ABL2: variants seen among roughly 807,000 people sequenced by gnomAD.
ABL2 encodes ABL proto-oncogene 2, non-receptor tyrosine kinase.
In ABL2, 49 loss-of-function variants were observed where a neutral mutation model predicts 107.7. The ratio of observed to expected loss-of-function variants is 0.45; its 90% confidence interval spans 0.36 to 0.58. The LOEUF (loss-of-function observed/expected upper bound fraction) is 0.58. Ranked by LOEUF, ABL2 falls within the 20% of genes least tolerant of loss-of-function variation. The pLI, the probability that ABL2 is intolerant of heterozygous loss-of-function variation, is 0.00. For synonymous variants in ABL2, 549 were observed against 548.6 expected (o/e 1.00, Z -0.01); for missense variants, 1,245 against 1,457.0 (o/e 0.85, Z 2.37).
In ABL2 at chr1:179,202,220, G is replaced by T. The variant is rs997568418; in HGVS notation, c.157+27021C>A. 3.3e-5 allele frequency among the ~76,000 whole-genome samples: 5 copies of T among 152,056 alleles called. No individual in the cohort carries two copies. In the East Asian group the frequency reaches 9.6e-4, roughly 29 times the overall value. ...ATTAATACTTTTTCAGCAAAGAAAA[G>T]AAAATCTTGGCTCTTATTTCTGCTT... On this transcript the variant is annotated intron_variant, in intron 1 of 11. Transcript: ENST00000502732.
At chr1:179,122,780 A>G (rs945986480) in intron 4 of ABL2, among the ~76,000 whole-genome samples, 1 of 151,908 alleles carries the variant, frequency 6.6e-6, no homozygotes, top group Non-Finnish European at 1.5e-5. Flanking sequence ...CAGCCTCCCA[A>G]GTACCTGGGA....
chr1:179,154,829 G>A (rs537521702), intron 1 of ABL2, among the ~76,000 whole-genome samples: 3 of 152,164 alleles, frequency 2.0e-5, no homozygotes, highest in Non-Finnish European at 2.9e-5. Context: ...TAATTATTAC[G>A]GTATTCACAT....
intron 2 of ABL2, among the ~76,000 whole-genome samples, chr1:179,132,854 G>A (rs150540502): frequency 0.015 from 1,744 of 112,756 alleles, 14 homozygotes; most frequent in Non-Finnish European, 0.023. Context: ...CTTATTCCCC[G>A]TCCGCACCCC....
At chr1:179,133,465 A>G in intron 1 of ABL2, 91 bp from the exon 2 acceptor site, 6 of 1,605,206 alleles carry the variant, frequency 3.7e-6, no homozygotes, top group Non-Finnish European at 5.1e-6. Context: ...TGGCATTCAA[A>G]GGCCTTTCAT....
rs139690296 is a variant in ABL2 at position 179,193,335 on chromosome 1, G to A, written c.157+35906C>T. Among the ~76,000 whole-genome samples, 53 of 150,938 alleles carry A rather than the reference G, an allele frequency of 3.5e-4. No homozygotes were observed. The East Asian group carries it at 0.01, about 29-fold the overall frequency. On this transcript the variant is annotated intron_variant, in intron 1 of 11. Coordinates refer to ENST00000502732, the MANE Select transcript of ABL2 (RefSeq NM_007314.4). Reference sequence around the variant, plus strand: ...AAAGGTGAATATTATTGTCAAATCAGTAACTCAAACCAGCCCTAAATGTCT... The same window carrying A: ...AAAGGTGAATATTATTGTCAAATCAATAACTCAAACCAGCCCTAAATGTCT...
In ABL2 at chr1:179,108,490, G is replaced by C; in HGVS notation, c.2777C>G (p.Thr926Ser). 6.2e-7 allele frequency: 1 copy of C among 1,614,204 alleles called. No homozygotes were observed. Among genetic ancestry groups the C allele is most frequent in the Non-Finnish European group, 8.5e-7 (1 of 1,180,032 alleles). ...AAGGACTGGCACTTTGTGGTTGTGA[G>C]TGGTTGGGAGGACGGGGGCAGCCTT... ...PAKAAPVLPT[T>S]HNHKVPVLIS... The change falls in exon 12 of 12, where the codon ACT (threonine) becomes AGT (serine). Residue 926 changes from threonine (T) to serine (S), a missense_variant. Thr to Ser is a moderately conservative substitution (Grantham distance 58). Coordinates refer to ENST00000502732, the MANE Select transcript of ABL2 (RefSeq NM_007314.4).
chr1:179,205,087 C>T (rs1041453355), intron 1 of ABL2, among the ~76,000 whole-genome samples: 8 of 148,496 alleles, frequency 5.4e-5, no homozygotes, highest in Admixed American at 4.8e-4. Context: ...AGTGCAGTGG[C>T]GTGATCTTGG....
chr1:179,184,712 T>C (rs1660583227), intron 1 of ABL2, among the ~76,000 whole-genome samples: 1 of 152,122 alleles, frequency 6.6e-6, no homozygotes, highest in South Asian at 2.1e-4. Flanking sequence ...ACTGATGGAT[T>C]CAACCTTCCT....
chr1:179,115,370 C>T (rs968828563), intron 8 of ABL2, among the ~76,000 whole-genome samples: 9 of 151,566 alleles, frequency 5.9e-5, no homozygotes, highest in Non-Finnish European at 1.0e-4. Flanking sequence ...CAGTAGTCAC[C>T]CCTTATCCAT....
chr1:179,222,865 CTT>C (rs1371794565), intron 1 of ABL2, among the ~76,000 whole-genome samples: 1 of 151,386 alleles, frequency 6.6e-6, no homozygotes, highest in African/African-American at 2.4e-5. Flanking sequence ...AATCCTAACA[CTT>C]TGAGAGGCTG....
At chr1:179,212,257 G>A (rs750599830) in intron 1 of ABL2, among the ~76,000 whole-genome samples, 9 of 152,132 alleles carry the variant, frequency 5.9e-5, no homozygotes, top group Non-Finnish European at 1.2e-4. Flanking sequence ...TACAATTCAA[G>A]GTGAGATTTG....
intron 3 of ABL2, among the ~76,000 whole-genome samples, chr1:179,127,743 T>C (rs958751622): frequency 6.6e-6 from 1 of 152,050 alleles, no homozygotes; most frequent in African/African-American, 2.4e-5. Context: ...CAAAAGCACA[T>C]GGCCATGGCT....
chr1:179,216,992 A>G (rs776901926), intron 1 of ABL2, among the ~76,000 whole-genome samples: 23 of 151,534 alleles, frequency 1.5e-4, no homozygotes, highest in Admixed American at 3.3e-4. Context: ...AGTTACATAG[A>G]TTCTAATATA....
At chr1:179,127,202 G>A (rs375401167) in intron 3 of ABL2, among the ~76,000 whole-genome samples, 2 of 151,968 alleles carry the variant, frequency 1.3e-5, no homozygotes, top group Non-Finnish European at 2.9e-5. Flanking sequence ...AACAAAAAAT[G>A]AACAAACAAA....
chr1:179,200,561 T>C (rs1661608199), intron 1 of ABL2, among the ~76,000 whole-genome samples: 1 of 152,162 alleles, frequency 6.6e-6, no homozygotes, highest in Non-Finnish European at 1.5e-5. Context: ...ATATTCTATC[T>C]CCCACCCCAT....
intron 1 of ABL2, among the ~76,000 whole-genome samples, chr1:179,166,776 C>CAAAAAAAAAAAA (rs34173352): frequency 1.3e-5 from 1 of 75,394 alleles, no homozygotes. Context: ...GACTTCATCT[C>CAAAAAAAAAAAA]AAAAAAAAAA....
At chr1:179,123,099 A>G (rs1655381876) in intron 4 of ABL2, among the ~76,000 whole-genome samples, 1 of 152,244 alleles carries the variant, frequency 6.6e-6, no homozygotes, top group Non-Finnish European at 1.5e-5. Flanking sequence ...AATCTTGTAA[A>G]AAACATAACT....
Position 179,107,771 on chromosome 1 carries a change from G to C in ABL2, c.3496C>G (p.Leu1166Val). ...AAGVPGTNPVLNNLLSCVQEI... is the reference protein window; with the variant it reads ...AAGVPGTNPVVNNLLSCVQEI... ...TGTACACATGACAATAAGTTATTAA[G>C]GACAGGGTTTGTCCCGGGCACACCA... The change falls in exon 12 of 12, where the codon CTT (leucine) becomes GTT (valine). Residue 1166 changes from leucine to valine, a missense_variant. Physicochemically the swap from Leu to Val is conservative, Grantham distance 32. Transcript: ENST00000502732. The C allele has an allele frequency of 6.2e-7, 1 of 1,614,176 alleles. No individual in the cohort carries two copies. Among genetic ancestry groups the C allele is most frequent in the Non-Finnish European group, 8.5e-7 (1 of 1,180,030 alleles).
At chr1:179,229,168 CCGCCACCCACCCCGCCCCGA>C in intron 1 of ABL2, 53 bp downstream of exon 1, 7 of 345,158 alleles carry the variant, frequency 2.0e-5, no homozygotes, top group Admixed American at 4.8e-5. Context: ...GGCAGCCCGT[CCGCCACCCACCCCGCCCCGA>C]CCCCACCCCC....
Sources: allele counts gnomAD v4.1 joint callset (sites outside exome capture counted in the v4.1 genomes callset), GRCh38; gene constraint gnomAD v4.1.1; transcripts MANE v1.5; gene names NCBI Gene and HGNC (gene_info 2026-07-23, HGNC 2026-07-21).